The following FBXL17 variants were observed in gnomAD, a reference collection of about 807,000 sequenced individuals.
The protein encoded by FBXL17 is F-box/LRR-repeat protein 17.
A neutral mutation model predicts 66.2 loss-of-function variants in FBXL17; 22 were observed. That is an observed-to-expected ratio of 0.33 (90% CI 0.24 to 0.47). The LOEUF is 0.47. Ranked by LOEUF, FBXL17 falls within the 20% of genes least tolerant of loss-of-function variation. FBXL17 has a pLI of 1.00. For missense variants in FBXL17, 878 were observed against 948.2 expected, an observed-to-expected ratio of 0.93 and a Z score of 0.97; for synonymous variants, 474 against 400.5, an observed-to-expected ratio of 1.18 and a Z score of -2.19.
chr5:107,958,817 C>T (rs1751771624), intron 7 of FBXL17, among the ~76,000 whole-genome samples: 2 of 152,116 alleles, frequency 1.3e-5, no homozygotes, highest in African/African-American at 2.4e-5. Context: ...AAAAGAATTA[C>T]ATTCGAAATT....
At chr5:107,865,780 T>A (rs1440201759) in intron 8 of FBXL17, among the ~76,000 whole-genome samples, 1 of 152,190 alleles carries the variant, frequency 6.6e-6, no homozygotes, top group African/African-American at 2.4e-5. Context: ...TAGGGAGGGT[T>A]ATTTTACTTA....
intron 5 of FBXL17, among the ~76,000 whole-genome samples, chr5:108,193,512 G>C (rs977423631): frequency 6.6e-6 from 1 of 152,040 alleles, no homozygotes; most frequent in Non-Finnish European, 1.5e-5. Context: ...CCTTGAGAAG[G>C]TCTGTTATCT....
At chr5:108,158,418 T>C (rs986727689) in intron 6 of FBXL17, among the ~76,000 whole-genome samples, 3 of 151,908 alleles carry the variant, frequency 2.0e-5, no homozygotes, top group African/African-American at 7.3e-5. Context: ...AACTAGGAAG[T>C]AGTGTGTCTT....
chr5:108,187,539 G>A (rs1753287316), intron 5 of FBXL17, among the ~76,000 whole-genome samples: 1 of 152,148 alleles, frequency 6.6e-6, no homozygotes, highest in African/African-American at 2.4e-5. Flanking sequence ...AACAGGAGAT[G>A]TTTCAATCAT....
At chr5:108,080,454 A>T (rs1374207497) in intron 6 of FBXL17, among the ~76,000 whole-genome samples, 1 of 152,234 alleles carries the variant, frequency 6.6e-6, no homozygotes, top group Non-Finnish European at 1.5e-5. Context: ...GTAGAGTCAT[A>T]TACCAAAATT....
At chr5:108,107,269 T>TTCG (rs1234678429) in intron 6 of FBXL17, among the ~76,000 whole-genome samples, 1 of 152,092 alleles carries the variant, frequency 6.6e-6, no homozygotes, top group African/African-American at 2.4e-5. Context: ...ACAGAGTTTC[T>TTCG]CCATGTTGGT....
chr5:108,076,739 C>T (rs934442659), intron 6 of FBXL17, among the ~76,000 whole-genome samples: 1 of 152,158 alleles, frequency 6.6e-6, no homozygotes, highest in Non-Finnish European at 1.5e-5. Context: ...TTCCCCAGAT[C>T]CCAGAGAGAC....
At chr5:108,065,798 A>C (rs1411522653) in intron 6 of FBXL17, among the ~76,000 whole-genome samples, 1 of 152,130 alleles carries the variant, frequency 6.6e-6, no homozygotes, top group East Asian at 1.9e-4. Context: ...CTCTCCGCCT[A>C]ACTCTGAAGC....
chr5:108,136,756 A>T (rs1182766745), intron 6 of FBXL17, among the ~76,000 whole-genome samples: 1 of 152,198 alleles, frequency 6.6e-6, no homozygotes, highest in Non-Finnish European at 1.5e-5. Context: ...AGTGGCTATT[A>T]TAAGGAATGT....
intron 6 of FBXL17, among the ~76,000 whole-genome samples, chr5:108,041,775 A>C (rs567261478): frequency 6.6e-6 from 1 of 152,248 alleles, no homozygotes; most frequent in African/African-American, 2.4e-5. Flanking sequence ...TTATTGTGAA[A>C]ATTTCGAGAA....
chr5:107,983,972 A>AG (rs1275975464), intron 7 of FBXL17, among the ~76,000 whole-genome samples: 1 of 152,090 alleles, frequency 6.6e-6, no homozygotes, highest in East Asian at 1.9e-4. Context: ...AGAAAACAAA[A>AG]GAAAAAAAAA....
At chr5:107,966,629 CCT>C (rs1266909665) in intron 7 of FBXL17, among the ~76,000 whole-genome samples, 2 of 152,090 alleles carry the variant, frequency 1.3e-5, no homozygotes, top group African/African-American at 4.8e-5. Context: ...TTTTGTTCGA[CCT>C]CACTTCTCTC....
chr5:108,061,741 T>C (rs1432729999), intron 6 of FBXL17, among the ~76,000 whole-genome samples: 8 of 152,148 alleles, frequency 5.3e-5, no homozygotes, highest in African/African-American at 1.9e-4. Context: ...AAGAGAAGTA[T>C]ATAAACTGAT....
intron 7 of FBXL17, among the ~76,000 whole-genome samples, chr5:107,968,881 C>A (rs1752253880): frequency 6.6e-6 from 1 of 151,914 alleles, no homozygotes; most frequent in Non-Finnish European, 1.5e-5. Flanking sequence ...AAAGGATATA[C>A]TGCTAAAAGT....
At chr5:107,970,877 T>A (rs1278565276) in intron 7 of FBXL17, among the ~76,000 whole-genome samples, 1 of 152,160 alleles carries the variant, frequency 6.6e-6, no homozygotes, top group Non-Finnish European at 1.5e-5. Context: ...GAGAAAAATG[T>A]TGCTCTGGAA....
chr5:107,872,036 T>C (rs1748474401), intron 8 of FBXL17, among the ~76,000 whole-genome samples: 1 of 152,216 alleles, frequency 6.6e-6, no homozygotes, highest in Non-Finnish European at 1.5e-5. Flanking sequence ...TTTCTAAAAT[T>C]GCCATTTCCA....
chr5:108,094,828 G>A (rs1186052836), intron 6 of FBXL17, among the ~76,000 whole-genome samples: 1 of 151,136 alleles, frequency 6.6e-6, no homozygotes, highest in Admixed American at 6.6e-5. Context: ...GACTTTAGAA[G>A]CCTAAATTTT....
chr5:108,161,967 C>A (rs2150007647), intron 6 of FBXL17, among the ~76,000 whole-genome samples: 1 of 152,214 alleles, frequency 6.6e-6, no homozygotes, highest in Admixed American at 6.5e-5. Flanking sequence ...ATAGGAACAG[C>A]AAATAAGGTT....
chr5:108,047,205 A>G (rs1382430352), intron 6 of FBXL17, among the ~76,000 whole-genome samples: 2 of 152,196 alleles, frequency 1.3e-5, no homozygotes, highest in African/African-American at 4.8e-5. Flanking sequence ...TACACCTGAG[A>G]GCCACACGGG....
Sources: allele counts gnomAD v4.1 joint callset (sites outside exome capture counted in the v4.1 genomes callset), GRCh38; gene constraint gnomAD v4.1.1; transcripts MANE v1.5; gene names NCBI Gene and HGNC (gene_info 2026-07-23, HGNC 2026-07-21).